CHODL: variants seen among roughly 807,000 people sequenced by gnomAD.
The protein encoded by CHODL is chondrolectin.
In CHODL, 29 loss-of-function variants were observed where a neutral mutation model predicts 34.5. That is an observed-to-expected ratio of 0.84 (90% CI 0.63 to 1.15). The LOEUF (loss-of-function observed/expected upper bound fraction) is 1.15. Among genes scored for constraint, CHODL ranks in the 50% most tolerant of loss-of-function variants. CHODL has a pLI of 0.00. For synonymous variants in CHODL, 125 were observed against 116.1 expected, an observed-to-expected ratio of 1.08 and a Z score of -0.49; for missense variants, 332 against 332.5, an observed-to-expected ratio of 1.00 and a Z score of 0.01.
chr21:17,952,891 G>A (rs1390009483), intron 1 of CHODL, among the ~76,000 whole-genome samples: 1 of 152,106 alleles, frequency 6.6e-6, no homozygotes, highest in Non-Finnish European at 1.5e-5. Context: ...AGGGAAGCAA[G>A]GGACATCTTA....
intron 1 of CHODL, among the ~76,000 whole-genome samples, chr21:18,246,408 C>A (rs2074142341): frequency 6.6e-6 from 1 of 152,104 alleles, no homozygotes; most frequent in African/African-American, 2.4e-5. Flanking sequence ...GAAGCCAGAC[C>A]TTTAGACATT....
chr21:18,141,142 G>T (rs1246127927), intron 2 of CHODL, among the ~76,000 whole-genome samples: 1 of 152,056 alleles, frequency 6.6e-6, no homozygotes, highest in Non-Finnish European at 1.5e-5. Context: ...GAAAAGAAAA[G>T]TAATGGAGAT....
At chr21:17,978,316 GGAGGCT>G (rs1228402416) in intron 1 of CHODL, among the ~76,000 whole-genome samples, 2 of 152,026 alleles carry the variant, frequency 1.3e-5, no homozygotes, top group Admixed American at 1.3e-4. Flanking sequence ...CAGCTACTTG[GGAGGCT>G]GAGGCAGGAG....
chr21:17,954,813 C>A (rs2063484314), intron 1 of CHODL, among the ~76,000 whole-genome samples: 1 of 131,154 alleles, frequency 7.6e-6, no homozygotes, highest in African/African-American at 2.6e-5. Context: ...ATTCATAATT[C>A]TCTCTCTGTA....
At chr21:18,102,948 G>A (rs2065232720) in intron 2 of CHODL, among the ~76,000 whole-genome samples, 2 of 152,116 alleles carry the variant, frequency 1.3e-5, no homozygotes, top group African/African-American at 4.8e-5. Flanking sequence ...TGGCACAAAG[G>A]TAGCAATAAC....
intron 1 of CHODL, among the ~76,000 whole-genome samples, chr21:18,003,492 T>TTAAGCA (rs2063930753): frequency 6.6e-6 from 1 of 151,902 alleles, no homozygotes; most frequent in Non-Finnish European, 1.5e-5. Flanking sequence ...AGGCAGACTG[T>TTAAGCA]TAAGCACTTC....
intron 1 of CHODL, among the ~76,000 whole-genome samples, chr21:17,997,425 C>T (rs184591732): frequency 5.9e-5 from 9 of 152,238 alleles, no homozygotes; most frequent in East Asian, 5.8e-4. Context: ...AGTACTGCTA[C>T]GAGCCAACAT....
At chr21:18,124,386 C>T (rs541669602) in intron 2 of CHODL, among the ~76,000 whole-genome samples, 39 of 152,234 alleles carry the variant, frequency 2.6e-4, no homozygotes, top group African/African-American at 8.4e-4. Flanking sequence ...TCAATGTCTT[C>T]GGACATTCTG....
At chr21:18,064,234 G>T (rs146727639) in intron 2 of CHODL, among the ~76,000 whole-genome samples, 1 of 149,252 alleles carries the variant, frequency 6.7e-6, no homozygotes, top group Non-Finnish European at 1.5e-5. Context: ...CATTTCAATT[G>T]TGTCATACCC....
At chr21:18,066,647 GC>G (rs1413349892) in intron 2 of CHODL, among the ~76,000 whole-genome samples, 1 of 152,220 alleles carries the variant, frequency 6.6e-6, no homozygotes, top group East Asian at 1.9e-4. Context: ...GGGTGTTATG[GC>G]CTGAATTCTC....
upstream of CHODL, among the ~76,000 whole-genome samples, chr21:18,242,053 G>T (rs927042187): frequency 1.3e-5 from 2 of 151,706 alleles, no homozygotes; most frequent in Non-Finnish European, 2.9e-5. Context: ...TCTCCTGACT[G>T]CCAGTCATAT....
intron 1 of CHODL, among the ~76,000 whole-genome samples, chr21:17,990,450 T>G (rs2063788212): frequency 6.6e-6 from 1 of 152,112 alleles, no homozygotes; most frequent in Non-Finnish European, 1.5e-5. Flanking sequence ...GTATAGAAAA[T>G]GAGAGAGTTG....
chr21:18,028,316 TTCCTTCC>T lies in CHODL; in HGVS notation c.-45+347_-45+353del, dbSNP rs1211328917. ...CTTCCTTCCTTCCTTCCTTCCTTCC[TTCCTTCC>T]TTCCTTCCTCTCTGTTTCTTTCTTC... On this transcript the variant is annotated intron_variant, in intron 2 of 6. Coordinates refer to the CHODL transcript ENST00000400127. 1.8e-4 allele frequency among the ~76,000 whole-genome samples: 26 copies of T among 146,766 alleles called. No individual in the cohort carries two copies. In the Admixed American group the frequency reaches 1.8e-3, roughly 10 times the overall value.
rs529830855 is a variant in CHODL at position 18,259,360 on chromosome 21, A to G, written c.548-840A>G. Among the ~76,000 whole-genome samples, 9 of 152,258 alleles carry G rather than the reference A, an allele frequency of 5.9e-5. 1 individual carries two copies. The South Asian group carries it at 1.9e-3, about 32-fold the overall frequency. On this transcript the variant is annotated intron_variant, in intron 3 of 5. Coordinates refer to ENST00000299295, the MANE Select transcript of CHODL (RefSeq NM_024944.3). ...CGAAATCATGACAATAAACTTCAAC[A>G]ATTTTAAAGTGTGTAGCAAGAGAAA...
intron 1 of CHODL, among the ~76,000 whole-genome samples, chr21:18,002,142 G>T (rs1017292020): frequency 9.9e-5 from 15 of 152,090 alleles, no homozygotes; most frequent in African/African-American, 3.4e-4. Context: ...ATAAGAAAAA[G>T]GCTGGAAAAC....
At chr21:18,248,732 A>ATTATATAC (rs1555885914) in intron 1 of CHODL, among the ~76,000 whole-genome samples, 54 of 120,380 alleles carry the variant, frequency 4.5e-4, no homozygotes, top group African/African-American at 1.9e-3. Context: ...ATATGTATAT[A>ATTATATAC]ATATATATGT....
At chr21:18,069,819 A>G (rs1263406954) in intron 2 of CHODL, among the ~76,000 whole-genome samples, 1 of 151,996 alleles carries the variant, frequency 6.6e-6, no homozygotes, top group East Asian at 1.9e-4. Flanking sequence ...TGTGTTGCCC[A>G]GGCTGGTCTC....
chr21:17,992,563 T>C (rs2063805904), intron 1 of CHODL, among the ~76,000 whole-genome samples: 1 of 152,122 alleles, frequency 6.6e-6, no homozygotes, highest in African/African-American at 2.4e-5. Context: ...TTTATTTATT[T>C]TTGTACCTAC....
At chr21:18,100,048 G>A (rs941021530) in intron 2 of CHODL, 1 of 150,758 alleles carries the variant, frequency 6.6e-6, no homozygotes, top group Admixed American at 6.6e-5. Flanking sequence ...AAGAAGGAAA[G>A]GAAAAATAAA....
Sources: allele counts gnomAD v4.1 joint callset (sites outside exome capture counted in the v4.1 genomes callset), GRCh38; gene constraint gnomAD v4.1.1; transcripts MANE v1.5; gene names NCBI Gene and HGNC (gene_info 2026-07-23, HGNC 2026-07-21).